ABTB3: variants seen among roughly 807,000 people sequenced by gnomAD.
ABTB3 encodes the protein ankyrin repeat- and BTB/POZ domain-containing protein 3.
the ABTB3 span, among the ~76,000 whole-genome samples, chr12:107,416,426 G>C: frequency 6.6e-5 from 10 of 152,280 alleles, no homozygotes; most frequent in South Asian, 2.1e-3. Context: ...TGCTGAGGGG[G>C]TGGGGGGAAA....
chr12:107,581,000 A>G, the ABTB3 span: 1 of 1,552,078 alleles, frequency 6.4e-7, no homozygotes, highest in Non-Finnish European at 8.7e-7. Flanking sequence ...CTACTCTGGA[A>G]TTCAGAGGCA....
At chr12:107,443,641 T>G in the ABTB3 span, among the ~76,000 whole-genome samples, 1 of 152,216 alleles carries the variant, frequency 6.6e-6, no homozygotes. Context: ...GCAAAGAGTC[T>G]GTAGTGCCTT....
At chr12:107,443,305 C>T in the ABTB3 span, among the ~76,000 whole-genome samples, 8 of 151,730 alleles carry the variant, frequency 5.3e-5, no homozygotes, top group African/African-American at 1.5e-4. Context: ...CAGTTGCTCA[C>T]GGCTGTAATC....
the ABTB3 span, among the ~76,000 whole-genome samples, chr12:107,395,046 C>A: frequency 5.3e-5 from 8 of 152,222 alleles, no homozygotes; most frequent in Admixed American, 3.3e-4. Context: ...TGTCTCTGAC[C>A]AAGGCAGCTG....
chr12:107,461,204 C>T, the ABTB3 span, among the ~76,000 whole-genome samples: 1 of 152,152 alleles, frequency 6.6e-6, no homozygotes, highest in Non-Finnish European at 1.5e-5. Flanking sequence ...CCCCATGATA[C>T]AATTATCTCC....
At chr12:107,657,427 C>T in the ABTB3 span, 2 of 1,178,682 alleles carry the variant, frequency 1.7e-6, no homozygotes, top group Admixed American at 1.8e-5. Flanking sequence ...CAGGTGTGTG[C>T]CATCATTAGC....
the ABTB3 span, among the ~76,000 whole-genome samples, chr12:107,525,324 CAAAAAAA>C: frequency 1.3e-3 from 45 of 34,894 alleles, no homozygotes; most frequent in Admixed American, 2.6e-3. Context: ...AAGATCCTGT[CAAAAAAA>C]AAAAAAAAAA....
chr12:107,464,976 A>ACCCCC, the ABTB3 span, among the ~76,000 whole-genome samples: 1 of 142,266 alleles, frequency 7.0e-6, no homozygotes, highest in African/African-American at 2.7e-5. Flanking sequence ...ACACACACAC[A>ACCCCC]CCCCAGAGAA....
the ABTB3 span, among the ~76,000 whole-genome samples, chr12:107,390,971 C>A: frequency 6.6e-6 from 1 of 152,070 alleles, no homozygotes; most frequent in East Asian, 1.9e-4. Context: ...GCCAACATGG[C>A]AAAACCCTGT....
chr12:107,489,274 A>G, the ABTB3 span, among the ~76,000 whole-genome samples: 1 of 152,188 alleles, frequency 6.6e-6, no homozygotes, highest in South Asian at 2.1e-4. Context: ...TAATCCCAGG[A>G]CTTTGGGAGG....
chr12:107,533,993 A>G, the ABTB3 span, among the ~76,000 whole-genome samples: 2 of 152,354 alleles, frequency 1.3e-5, no homozygotes, highest in South Asian at 2.1e-4. Flanking sequence ...CATGGACACT[A>G]AACAACATGC....
the ABTB3 span, among the ~76,000 whole-genome samples, chr12:107,325,418 G>A: frequency 0.54 from 82,587 of 151,562 alleles, 22,877 homozygotes; most frequent in East Asian, 0.72. Context: ...AGCAGTATCT[G>A]TGCTCACAGA....
At chr12:107,657,826 A>G in the ABTB3 span, 2 of 1,159,924 alleles carry the variant, frequency 1.7e-6, no homozygotes, top group Non-Finnish European at 2.5e-6. Flanking sequence ...TGGCTGGGCC[A>G]AGGAGCTGCC....
chr12:107,545,315 T>A, the ABTB3 span, among the ~76,000 whole-genome samples: 1 of 152,132 alleles, frequency 6.6e-6, no homozygotes. Context: ...TGATCTCTGC[T>A]CACTGCAACC....
At chr12:107,430,128 T>C in the ABTB3 span, among the ~76,000 whole-genome samples, 3 of 152,226 alleles carry the variant, frequency 2.0e-5, no homozygotes, top group East Asian at 5.8e-4. Context: ...TGGTAGTATA[T>C]CATGACCTCT....
the ABTB3 span, among the ~76,000 whole-genome samples, chr12:107,580,216 G>T: frequency 6.6e-6 from 1 of 152,190 alleles, no homozygotes; most frequent in African/African-American, 2.4e-5. Flanking sequence ...AAAACTGCCT[G>T]TATCCAGCTG....
chr12:107,438,526 C>T, the ABTB3 span, among the ~76,000 whole-genome samples: 543 of 152,292 alleles, frequency 3.6e-3, 3 homozygotes, highest in South Asian at 0.023. Context: ...GCTGCAGCCT[C>T]AGGAGGCGTT....
chr12:107,319,356 C>A, the ABTB3 span: 2 of 1,559,796 alleles, frequency 1.3e-6, no homozygotes, highest in East Asian at 2.4e-5. Flanking sequence ...GTGAGCCGGG[C>A]GCTGGTGCGC....
chr12:107,320,777 C>T, the ABTB3 span: 2 of 429,888 alleles, frequency 4.7e-6, no homozygotes, highest in East Asian at 1.4e-4. Flanking sequence ...CTCTTGGCCT[C>T]TCCATTCCCT....
Sources: gnomAD v4.1 joint callset for allele counts (sites outside exome capture counted in the v4.1 genomes callset) on GRCh38, gnomAD v4.1.1 for gene constraint, MANE v1.5 for transcripts, NCBI Gene and HGNC (gene_info 2026-07-23, HGNC 2026-07-21) for gene names.